STAU1: variants seen among roughly 807,000 people sequenced by gnomAD.
The protein encoded by STAU1 is double-stranded RNA-binding protein Staufen homolog 1.
STAU1 carries 13 observed loss-of-function variants against 62.9 expected under a neutral mutation model. The ratio of observed to expected loss-of-function variants is 0.21; its 90% CI spans 0.13 to 0.33. The LOEUF (loss-of-function observed/expected upper bound fraction) is 0.33. Among genes scored for constraint, STAU1 ranks in the 10% least tolerant of loss-of-function variants. The pLI, the probability that STAU1 is intolerant of heterozygous loss-of-function variation, is 1.00. For synonymous variants in STAU1, 269 were observed against 265.1 expected (o/e 1.01, Z -0.14); for missense variants, 571 against 712.1 (o/e 0.80, Z 2.25).
At chr20:49,210,307 G>A in the STAU1 span, 21 of 400,914 alleles carry the variant, frequency 5.2e-5, no homozygotes, top group African/African-American at 1.7e-4. Context: ...ATGTCTTTTC[G>A]TTCTCACACT....
At chr20:49,115,047 G>A (rs2092280639) in intron 13 of STAU1, among the ~76,000 whole-genome samples, 154 bp from the exon 14 acceptor site, 1 of 152,134 alleles carries the variant, frequency 6.6e-6, no homozygotes, top group Admixed American at 6.6e-5. Context: ...ATGCCAGTAA[G>A]TAAAATACGC....
Position 49,182,279 on chromosome 20 carries a change from C to T in STAU1, c.-160+5837G>A, listed in dbSNP as rs146816837. 1.1e-4 allele frequency among the ~76,000 whole-genome samples: 17 copies of T among 152,278 alleles called. No homozygotes were observed. The East Asian group carries it at 3.1e-3, about 28-fold the overall frequency. On this transcript the variant is annotated intron_variant, in intron 1 of 13. Coordinates refer to ENST00000371856, the MANE Select transcript of STAU1 (RefSeq NM_017453.4). The stretch of plus-strand genomic sequence containing the variant: ...TTATTCACCAGTATGGGAATGTAAA[C>T]ACTTAAAAAACAAATTAAGCTATTT...
At chr20:49,178,811 C>T (rs184302649) in intron 1 of STAU1, among the ~76,000 whole-genome samples, 110 of 150,528 alleles carry the variant, frequency 7.3e-4, no homozygotes, top group Admixed American at 2.1e-3. Context: ...CGGTGGCTCA[C>T]GCCTGTAATC....
the STAU1 span, among the ~76,000 whole-genome samples, chr20:49,207,147 G>A: frequency 6.6e-6 from 1 of 151,972 alleles, no homozygotes; most frequent in African/African-American, 2.4e-5. Flanking sequence ...GACCACTTGA[G>A]CCCAAGAATT....
intron 6 of STAU1, 98 bp from the exon 7 acceptor site, chr20:49,124,685 G>C: frequency 7.9e-7 from 1 of 1,263,630 alleles, no homozygotes; most frequent in Non-Finnish European, 1.1e-6. Flanking sequence ...CAGGGAAGGG[G>C]AACCAAGGAC....
At chr20:49,141,930 T>C (rs2146114105) in intron 5 of STAU1, among the ~76,000 whole-genome samples, 1 of 152,122 alleles carries the variant, frequency 6.6e-6, no homozygotes, top group Middle Eastern at 3.4e-3. Flanking sequence ...TTTACCATTA[T>C]TATAAATCCA....
chr20:49,176,514 A>C (rs1042099459), intron 1 of STAU1, among the ~76,000 whole-genome samples: 2 of 152,172 alleles, frequency 1.3e-5, no homozygotes, highest in African/African-American at 2.4e-5. Context: ...TGCTTGTTTC[A>C]GTTTCTCACT....
chr20:49,202,258 G>GAAAGAAAGAAAGAAAGAAAGAAAT, the STAU1 span, among the ~76,000 whole-genome samples: 1 of 134,466 alleles, frequency 7.4e-6, no homozygotes, highest in Non-Finnish European at 1.6e-5. Flanking sequence ...AAGAAAGAAA[G>GAAAGAAAGAAAGAAAGAAAGAAAT]AATCAACTAG....
upstream of STAU1, among the ~76,000 whole-genome samples, chr20:49,190,803 T>C (rs982349167): frequency 2.6e-5 from 4 of 152,140 alleles, no homozygotes; most frequent in Non-Finnish European, 5.9e-5. Context: ...ATTAAGTATG[T>C]TACGATAAAT....
intron 6 of STAU1, among the ~76,000 whole-genome samples, chr20:49,127,749 C>G (rs1459615166): frequency 6.6e-6 from 1 of 151,860 alleles, no homozygotes; most frequent in African/African-American, 2.4e-5. Context: ...CATTGGCTCA[C>G]TCTTGTAATC....
At chr20:49,217,627 T>G in the STAU1 span, among the ~76,000 whole-genome samples, 110 of 150,218 alleles carry the variant, frequency 7.3e-4, no homozygotes, top group Admixed American at 3.9e-3. Context: ...AGGATTTGAA[T>G]CAAGGCTGTG....
the STAU1 span, among the ~76,000 whole-genome samples, chr20:49,205,555 G>A: frequency 5.9e-5 from 9 of 151,672 alleles, no homozygotes; most frequent in Non-Finnish European, 8.8e-5. Context: ...TAGTAGAGAC[G>A]GGGTTTCACC....
chr20:49,210,513 G>A, the STAU1 span: 1 of 455,674 alleles, frequency 2.2e-6, no homozygotes, highest in Non-Finnish European at 4.4e-6. Context: ...GTAGTGGTGG[G>A]GGAAAATTCT....
chr20:49,119,115 AAAG>A (rs2092404465), intron 9 of STAU1, among the ~76,000 whole-genome samples: 4 of 152,324 alleles, frequency 2.6e-5, no homozygotes, highest in Middle Eastern at 3.4e-3. Flanking sequence ...CAGTGATGGG[AAAG>A]AAGAAGGTCA....
chr20:49,120,539 T>G (rs934450150), intron 8 of STAU1, among the ~76,000 whole-genome samples: 3 of 152,146 alleles, frequency 2.0e-5, no homozygotes, highest in African/African-American at 7.2e-5. Flanking sequence ...TGGGACTATT[T>G]ATACCACAGA....
At chr20:49,186,998 T>C (rs2093795854) in intron 1 of STAU1, among the ~76,000 whole-genome samples, 1 of 151,878 alleles carries the variant, frequency 6.6e-6, no homozygotes. Context: ...AAAAGGAAAG[T>C]CAGCCAACAG....
rs1359836959 is a variant in STAU1, at chr20:49,113,732, AG to A, written c.*1145del. 1 of 152,644 alleles carries A rather than the reference AG, an allele frequency of 6.6e-6. No homozygotes were observed. Among genetic ancestry groups the A allele is most frequent in the Admixed American group, 6.5e-5 (1 of 15,282 alleles). The allele number at this position is 152,644 out of a possible 1,614,324, so 9.5% of individuals were successfully genotyped here. A position where few individuals can be genotyped will look rare whatever the true frequency, so the allele number is the denominator to read the frequency against. On this transcript the variant is annotated 3_prime_UTR_variant, in exon 14 of 14. Coordinates refer to ENST00000371856, the MANE Select transcript of STAU1 (RefSeq NM_017453.4). Reference sequence around the variant, plus strand: ...GCAACACAGCTGTATACAGAAACGTAGGTCATTCTTTTCAGCCCTAATGGAG... The same window carrying A: ...GCAACACAGCTGTATACAGAAACGTAGTCATTCTTTTCAGCCCTAATGGAG...
chr20:49,149,183 G>A (rs1381297942), intron 5 of STAU1, among the ~76,000 whole-genome samples: 1 of 151,772 alleles, frequency 6.6e-6, no homozygotes, highest in Non-Finnish European at 1.5e-5. Flanking sequence ...CCCAGGAGGT[G>A]GAGGTTGCAG....
In STAU1 at chr20:49,113,460, GGGGCAAGTTGGGA is replaced by G. The variant is rs2092229359; in HGVS notation, c.*1405_*1417del. 6.6e-6 allele frequency: 1 copy of G among 152,650 alleles called. No homozygotes were observed. Among genetic ancestry groups the G allele is most frequent in the Non-Finnish European group, 1.5e-5 (1 of 68,046 alleles). The allele number at this position is 152,650 out of a possible 1,614,324, so 9.5% of individuals were successfully genotyped here. ...TTTTCTTAAAAATAAAAAAAGGATA[GGGGCAAGTTGGGA>G]GGGGACCAACCTAGCAGTAGTGGCA... On this transcript the variant is annotated 3_prime_UTR_variant, in exon 14 of 14. Coordinates refer to ENST00000371856, the MANE Select transcript of STAU1 (RefSeq NM_017453.4).
Sources: gnomAD v4.1 joint callset for allele counts (sites outside exome capture counted in the v4.1 genomes callset) on GRCh38, gnomAD v4.1.1 for gene constraint, MANE v1.5 for transcripts, NCBI Gene and HGNC (gene_info 2026-07-23, HGNC 2026-07-21) for gene names.